Variants in IFI30 observed in about 807,000 individuals in gnomAD.
IFI30 encodes IFI30 lysosomal thiol reductase.
Under a neutral mutation model 30.1 loss-of-function variants are expected in IFI30, and 26 were observed. The ratio of observed to expected loss-of-function variants is 0.87; its 90% CI spans 0.63 to 1.20. IFI30 has a LOEUF of 1.20. Ranked by LOEUF, IFI30 falls within the 50% of genes most tolerant of loss-of-function variation. The pLI, the probability that IFI30 is intolerant of heterozygous loss-of-function variation, is 0.00. For synonymous variants in IFI30, 149 were observed against 134.5 expected, an observed-to-expected ratio of 1.11 and a Z score of -0.75; for missense variants, 296 against 312.5, an observed-to-expected ratio of 0.95 and a Z score of 0.40.
rs1200793742 is a variant in IFI30 at position 18,174,269 on chromosome 19, C to A, written c.132+296C>A. On this transcript the variant is annotated intron_variant, in intron 1 of 6. Transcript: ENST00000407280. ...CTTTTGGGGCAGGAGCTGGGGTCTC[C>A]TTTTGTGGCCCAGGGCACAAGTTCA... The A allele has an allele frequency of 3.5e-5, 11 of 312,726 alleles. No homozygotes were observed. The Admixed American group carries it at 5.5e-4, about 16-fold the overall frequency. The allele number at this position is 312,726 out of a possible 1,614,324, so 19.4% of individuals were successfully genotyped here. A position where few individuals can be genotyped will look rare whatever the true frequency, so the allele number is the denominator to read the frequency against.
chr19:18,177,538 C>A, intron 5 of IFI30, 173 bp from the exon 6 acceptor site: 1 of 826,570 alleles, frequency 1.2e-6, no homozygotes, highest in Non-Finnish European at 2.0e-6. Flanking sequence ...TGTATTAATT[C>A]GAAGTATTAA....
chr19:18,173,818 C>T lies in IFI30; in HGVS notation c.-24C>T. On this transcript the variant is annotated 5_prime_UTR_variant, in exon 1 of 7. Coordinates refer to ENST00000407280, the MANE Select transcript of IFI30 (RefSeq NM_006332.5). Reference sequence around the variant, plus strand: ...TTATTTCCCAGGCAGCCGCTGCAGTCGCCACACCTTTGCCCCTGCTGCGAT... The same window carrying T: ...TTATTTCCCAGGCAGCCGCTGCAGTTGCCACACCTTTGCCCCTGCTGCGAT... The T allele has an allele frequency of 2.0e-6, 3 of 1,522,958 alleles. No homozygotes were observed. The highest frequency in any genetic ancestry group is 2.6e-6 in the Non-Finnish European group (3 of 1,134,624). 94.3% of individuals were successfully genotyped at this position (1,522,958 alleles called of 1,614,324 possible). A position where few individuals can be genotyped will look rare whatever the true frequency, so the allele number is the denominator to read the frequency against.
chr19:18,177,438 G>C, intron 5 of IFI30, 146 bp downstream of exon 5: 1 of 964,508 alleles, frequency 1.0e-6, no homozygotes, highest in South Asian at 1.7e-5. Flanking sequence ...TGGGCAACAA[G>C]AGCAAAACTT....
chr19:18,175,268 GGGACCCAGCCTACCAGCA>G, intron 2 of IFI30, 25 bp from the exon 3 acceptor site: 1 of 1,575,742 alleles, frequency 6.3e-7, no homozygotes, highest in South Asian at 1.2e-5. Context: ...AGGGGAGCAG[GGGACCCAGCCTACCAGCA>G]GGCTCTCACC....
chr19:18,173,919 G>A lies in IFI30; in HGVS notation c.78G>A (p.Ala26=). The A allele has an allele frequency of 6.4e-7, 1 of 1,551,418 alleles. No homozygotes were observed. The highest frequency in any genetic ancestry group is 8.7e-7 in the Non-Finnish European group (1 of 1,147,330). The change falls in exon 1 of 7, where the codon GCG becomes GCA. Residue 26 remains alanine (A), a synonymous_variant. Coordinates refer to ENST00000407280, the MANE Select transcript of IFI30 (RefSeq NM_006332.5). ...ACGTCCCCACGGCGGCGGTGCAGGC[G>A]TCCCCTCTGCAAGCGTTAGACTTCT... is the stretch of plus-strand genomic sequence containing the variant. ...LLDVPTAAVQ[A]SPLQALDFFG...
chr19:18,175,811 C>T, intron 4 of IFI30, 114 bp downstream of exon 4: 1 of 683,198 alleles, frequency 1.5e-6, no homozygotes. Context: ...CTGTGCAGCC[C>T]AGGAAAACAA....
At chr19:18,177,794 G>C (rs749689536) in intron 6 of IFI30, 30 bp downstream of exon 6, 2 of 1,612,294 alleles carry the variant, frequency 1.2e-6, no homozygotes, top group South Asian at 2.2e-5. Context: ...GTGGGATTCA[G>C]GTGGTGGGGG....
chr19:18,175,506 T>C, intron 3 of IFI30, 99 bp from the exon 4 acceptor site: 1 of 1,385,008 alleles, frequency 7.2e-7, no homozygotes, highest in Non-Finnish European at 1.0e-6. Context: ...ACATCTTTAT[T>C]CCCTATCTCC....
In IFI30 at chr19:18,173,998, G is replaced by A. The variant is rs777124188; in HGVS notation, c.132+25G>A. 4 of 1,543,248 alleles carry A rather than the reference G, an allele frequency of 2.6e-6. No individual in the cohort carries two copies. The African/African-American group carries it at 4.1e-5, about 16-fold the overall frequency. ...GGTAGGGACGGCGACAGGGCGGGCA[G>A]GCTGGAGGGAACAGGCGCCCTGTCG... is the stretch of plus-strand genomic sequence containing the variant. On this transcript the variant is annotated intron_variant, in intron 1 of 6. Transcript: ENST00000407280.
intron 4 of IFI30, 84 bp downstream of exon 4, chr19:18,175,781 C>G (rs1302468271): frequency 2.1e-6 from 2 of 944,870 alleles, no homozygotes; most frequent in Non-Finnish European, 3.3e-6. Context: ...AATTCAAGTC[C>G]TAGCCCTGAC....
rs931225167 is a variant in IFI30, at chr19:18,177,258, C to G, written c.602C>G (p.Pro201Arg). The G allele has an allele frequency of 6.3e-7, 1 of 1,588,010 alleles. No individual in the cohort carries two copies. Among genetic ancestry groups the G allele is most frequent in the Non-Finnish European group, 8.6e-7 (1 of 1,167,384 alleles). ...CAGCGGACAGATGCTCTCCAGCCAC[C>G]ACACGAGTATGTGCCCTGGGTCACC... Reference protein sequence around the residue: ...NAQRTDALQPPHEYVPWVTVN... With the variant: ...NAQRTDALQPRHEYVPWVTVN... Residue 201 changes from proline (P) to arginine (R), a missense_variant, in exon 5 of 7, where the codon CCA becomes CGA. Physicochemically the swap from Pro to Arg is moderately radical, Grantham distance 103. Transcript: ENST00000407280.
rs189125680 is a variant in IFI30, at chr19:18,176,341, G to A, written c.483+644G>A. On this transcript the variant is annotated intron_variant, in intron 4 of 6. Coordinates refer to ENST00000407280, the MANE Select transcript of IFI30 (RefSeq NM_006332.5). ...GGCTAATTTTTGTATTTTTAGTAGA[G>A]ACAGTGTTCACCATGTTGGCCAGGC... 4.5e-3 allele frequency among the ~76,000 whole-genome samples: 689 copies of A among 151,648 alleles called. 1 individual carries two copies. Among genetic ancestry groups the A allele is most frequent in the Non-Finnish European group, 7.6e-3 (518 of 67,918 alleles).
rs1311430651 is a variant in IFI30, at chr19:18,177,719, G to A, written c.645G>A (p.Leu215=). The A allele has an allele frequency of 1.9e-6, 3 of 1,613,814 alleles. No homozygotes were observed. The highest frequency in any genetic ancestry group is 2.5e-6 in the Non-Finnish European group (3 of 1,179,840). The stretch of plus-strand genomic sequence containing the variant: ...TGTCTTGCTTTGTGCAGAAACCCTT[G>A]GAAGATCAGACCCAGCTCCTTACCC... ...VPWVTVNGKP[L]EDQTQLLTLV... Residue 215 remains leucine, a synonymous_variant, in exon 6 of 7, where the codon TTG becomes TTA. Transcript: ENST00000407280.
rs759814847 is a variant in IFI30, at chr19:18,177,228, A to C, written c.572A>C (p.Asn191Thr). 5.6e-5 allele frequency: 89 copies of C among 1,588,748 alleles called. 1 individual carries two copies. In the South Asian group the frequency reaches 8.6e-4, roughly 15 times the overall value. The change falls in exon 5 of 7, where the codon AAC (asparagine) becomes ACC (threonine). Residue 191 changes from asparagine (N) to threonine (T), a missense_variant. Asn to Thr is a moderately conservative substitution (Grantham distance 65). Coordinates refer to ENST00000407280, the MANE Select transcript of IFI30 (RefSeq NM_006332.5). ...GDRGMQLMHA[N>T]AQRTDALQPP... ...CGCGGCATGCAGCTCATGCACGCCA[A>C]CGCCCAGCGGACAGATGCTCTCCAG...
intron 4 of IFI30, among the ~76,000 whole-genome samples, chr19:18,176,757 G>A (rs1371986474): frequency 1.3e-5 from 2 of 152,162 alleles, no homozygotes; most frequent in African/African-American, 4.8e-5. Flanking sequence ...GTCCTGCAGG[G>A]TTAGATCAGG....
In IFI30 at chr19:18,175,341, A is replaced by C. The variant is rs1268090570; in HGVS notation, c.346A>C (p.Lys116Gln). The change falls in exon 3 of 7, where the codon AAG becomes CAG. Residue 116 changes from lysine (K) to glutamine (Q), a missense_variant. Transcript: ENST00000407280. ...EQNVSGRWEF[K>Q]CQHGEEECKF... is the part of the protein sequence containing the mutation. ...AAATGTCAGTGGCAGGTGGGAGTTC[A>C]AGTGCCAGCATGGAGAAGAGGAGTG... 2 of 1,591,824 alleles carry C rather than the reference A, an allele frequency of 1.3e-6. No individual in the cohort carries two copies. The highest frequency in any genetic ancestry group is 1.8e-5 in the Admixed American group (1 of 56,320).
chr19:18,175,193 G>A lies in IFI30; in HGVS notation c.286G>A (p.Val96Ile). 1 of 1,595,000 alleles carries A rather than the reference G, an allele frequency of 6.3e-7. No homozygotes were observed. Among genetic ancestry groups the A allele is most frequent in the Non-Finnish European group, 8.5e-7 (1 of 1,171,048 alleles). The change falls in exon 2 of 7, where the codon GTC becomes ATC. Residue 96 changes from valine to isoleucine, a missense_variant. Coordinates refer to ENST00000407280, the MANE Select transcript of IFI30 (RefSeq NM_006332.5). ...TWLLVMEILN[V>I]TLVPYGNAQE... is the part of the protein sequence containing the mutation. ...GCTGTTGGTCATGGAGATCCTCAAT[G>A]TCACGCTGGTGCCCTACGGAAACGC...
At chr19:18,175,450 C>T (rs940153143) in intron 3 of IFI30, 65 bp downstream of exon 3, 15 of 1,477,984 alleles carry the variant, frequency 1.0e-5, no homozygotes, top group Non-Finnish European at 1.2e-5. Flanking sequence ...GAGGCAAATA[C>T]GAGGATGCCA....
chr19:18,175,055 CT>C lies in IFI30; in HGVS notation c.149del (p.Leu50ArgfsTer5). 6.2e-7 allele frequency: 1 copy of C among 1,613,646 alleles called. No homozygotes were observed. The highest frequency in any genetic ancestry group is 2.2e-5 in the East Asian group (1 of 44,876). Reference protein sequence around the residue: ...PVNYKTGNLYLRGPLKKSNAP... With the variant: ...PVNYKTGNLYXRGPLKKSNAP... ...TAATCCACAGACAGGCAATCTATACCTGCGGGGGCCCCTGAAGAAGTCCAAT... is the reference window on the plus strand; with the variant it reads ...TAATCCACAGACAGGCAATCTATACCGCGGGGGCCCCTGAAGAAGTCCAAT... On this transcript the variant is annotated frameshift_variant, in exon 2 of 7. Transcript: ENST00000407280. LOFTEE classifies it high-confidence loss of function.
Sources: gnomAD v4.1 joint callset for allele counts (sites outside exome capture counted in the v4.1 genomes callset) on GRCh38, gnomAD v4.1.1 for gene constraint, MANE v1.5 for transcripts, NCBI Gene and HGNC (gene_info 2026-07-23, HGNC 2026-07-21) for gene names.